RAB38: variants seen among roughly 807,000 people sequenced by gnomAD.
RAB38 encodes the protein RAB38, member RAS oncogene family.
A neutral mutation model predicts 18.4 loss-of-function variants in RAB38; 15 were observed. The observed-to-expected ratio is 0.82, with a 90% CI of 0.55 to 1.26. The LOEUF (loss-of-function observed/expected upper bound fraction) is 1.26, where lower values mean the gene tolerates loss of function less well. Ranked by LOEUF, RAB38 falls within the 50% of genes most tolerant of loss-of-function variation. RAB38 has a pLI of 0.00. For missense variants in RAB38, 294 were observed against 267.4 expected, an observed-to-expected ratio of 1.10 and a Z score of -0.69; for synonymous variants, 101 against 104.4, an observed-to-expected ratio of 0.97 and a Z score of 0.20.
At chr11:87,973,680 C>G in the RAB38 span, among the ~76,000 whole-genome samples, 1 of 151,938 alleles carries the variant, frequency 6.6e-6, no homozygotes, top group Non-Finnish European at 1.5e-5. Flanking sequence ...GAGACCTCAT[C>G]AAAGACTGGC....
the RAB38 span, among the ~76,000 whole-genome samples, chr11:87,844,803 C>A: frequency 1.3e-5 from 2 of 152,078 alleles, no homozygotes; most frequent in African/African-American, 4.8e-5. Context: ...AAACCCCGAG[C>A]AAATATGCAT....
chr11:88,019,606 A>T, the RAB38 span, among the ~76,000 whole-genome samples: 1 of 152,170 alleles, frequency 6.6e-6, no homozygotes, highest in African/African-American at 2.4e-5. Flanking sequence ...ATGGCTCACA[A>T]GGAAAAATAC....
At chr11:88,031,039 T>G in the RAB38 span, among the ~76,000 whole-genome samples, 1 of 150,586 alleles carries the variant, frequency 6.6e-6, no homozygotes, top group Non-Finnish European at 1.5e-5. Flanking sequence ...CATGATCAAG[T>G]GGGCTTCATC....
chr11:88,005,977 A>G, the RAB38 span, among the ~76,000 whole-genome samples: 1 of 151,570 alleles, frequency 6.6e-6, no homozygotes, highest in Admixed American at 6.6e-5. Context: ...TCTATGACAG[A>G]GCCATGCTGT....
the RAB38 span, among the ~76,000 whole-genome samples, chr11:88,080,567 G>A: frequency 6.6e-6 from 1 of 151,640 alleles, no homozygotes; most frequent in African/African-American, 2.4e-5. Flanking sequence ...ATAGAAAAAA[G>A]AAGGATCCAG....
chr11:87,925,310 C>T, the RAB38 span, among the ~76,000 whole-genome samples: 1 of 151,992 alleles, frequency 6.6e-6, no homozygotes, highest in African/African-American at 2.4e-5. Flanking sequence ...TATCACCTGC[C>T]CAATTAATGC....
At chr11:88,125,008 C>T (rs11018531) in intron 2 of RAB38, among the ~76,000 whole-genome samples, 18,336 of 152,148 alleles carry the variant, frequency 0.12, 1,542 homozygotes, top group African/African-American at 0.23. Context: ...ATGGACATGA[C>T]GTGCTCTCTT....
chr11:88,158,857 C>G (rs966207674), intron 1 of RAB38, among the ~76,000 whole-genome samples: 1 of 152,050 alleles, frequency 6.6e-6, no homozygotes, highest in Non-Finnish European at 1.5e-5. Context: ...AGAACTGGAA[C>G]AAGACAAGGA....
the RAB38 span, among the ~76,000 whole-genome samples, chr11:87,902,901 A>G: frequency 2.0e-5 from 3 of 150,882 alleles, no homozygotes; most frequent in Non-Finnish European, 3.0e-5. Context: ...ATGCATATAT[A>G]TATAATGCTT....
At chr11:87,872,392 C>G in the RAB38 span, among the ~76,000 whole-genome samples, 1 of 151,514 alleles carries the variant, frequency 6.6e-6, no homozygotes, top group African/African-American at 2.4e-5. Flanking sequence ...GCCTCCCCCA[C>G]CATCAACATC....
chr11:87,898,720 C>G, the RAB38 span, among the ~76,000 whole-genome samples: 1 of 151,658 alleles, frequency 6.6e-6, no homozygotes, highest in African/African-American at 2.4e-5. Flanking sequence ...TGGGGAAGAA[C>G]ATCAGTTTCT....
the RAB38 span, among the ~76,000 whole-genome samples, chr11:87,837,328 T>C: frequency 6.6e-6 from 1 of 152,210 alleles, no homozygotes; most frequent in Non-Finnish European, 1.5e-5. Context: ...GTATTCCTTA[T>C]GTAAAGAACA....
At chr11:87,886,596 G>A in the RAB38 span, among the ~76,000 whole-genome samples, 2 of 151,988 alleles carry the variant, frequency 1.3e-5, no homozygotes, top group East Asian at 2.0e-4. Flanking sequence ...GATTCTACCC[G>A]TGGCTATCAA....
chr11:88,096,077 C>T, the RAB38 span, among the ~76,000 whole-genome samples: 8 of 141,526 alleles, frequency 5.7e-5, no homozygotes, highest in Admixed American at 1.4e-4. Context: ...CTTAAAATTT[C>T]GGTTATATAA....
intron 2 of RAB38, among the ~76,000 whole-genome samples, chr11:88,135,518 T>C (rs981542535): frequency 6.6e-6 from 1 of 152,232 alleles, no homozygotes; most frequent in African/African-American, 2.4e-5. Flanking sequence ...TCCATGCAAA[T>C]GGTAGAGAAG....
At chr11:87,930,631 GCA>G in the RAB38 span, among the ~76,000 whole-genome samples, 2 of 152,084 alleles carry the variant, frequency 1.3e-5, no homozygotes, top group African/African-American at 2.4e-5. Context: ...TAGACATGAA[GCA>G]TTTGACCATG....
chr11:87,952,734 TATTTA>T, the RAB38 span, among the ~76,000 whole-genome samples: 33 of 152,322 alleles, frequency 2.2e-4, no homozygotes, highest in Admixed American at 1.8e-3. Context: ...GTTCAGGAAA[TATTTA>T]ATAGAAGAGG....
the RAB38 span, among the ~76,000 whole-genome samples, chr11:87,931,057 T>C: frequency 5.9e-3 from 897 of 152,282 alleles, 7 homozygotes; most frequent in African/African-American, 0.021. Flanking sequence ...GGTTCTTTTT[T>C]GGTCCCATAG....
At chr11:88,025,931 A>T in the RAB38 span, among the ~76,000 whole-genome samples, 1 of 151,868 alleles carries the variant, frequency 6.6e-6, no homozygotes, top group Non-Finnish European at 1.5e-5. Context: ...ACTTACTCAT[A>T]AATCATTTCC....
Sources: allele counts gnomAD v4.1 joint callset (sites outside exome capture counted in the v4.1 genomes callset), GRCh38; gene constraint gnomAD v4.1.1; transcripts MANE v1.5; gene names NCBI Gene and HGNC (gene_info 2026-07-23, HGNC 2026-07-21).